Variants in WDR47 observed in about 807,000 individuals in gnomAD.
WDR47 encodes WD repeat domain 47.
In WDR47, 32 loss-of-function variants were observed where a neutral mutation model predicts 97.2. That is an observed-to-expected ratio of 0.33 (90% CI 0.25 to 0.44). The LOEUF (loss-of-function observed/expected upper bound fraction) is 0.44, where lower values mean the gene tolerates loss of function less well. Among genes scored for constraint, WDR47 ranks in the 20% least tolerant of loss-of-function variants. The probability of loss-of-function intolerance (pLI) is 1.00; values close to 1 mark genes in which losing one functional copy is unlikely to be tolerated. For missense variants in WDR47, 782 were observed against 1,102.3 expected (o/e 0.71, Z 4.11); for synonymous variants, 375 against 373.5 (o/e 1.00, Z -0.05).
At chr1:108,984,462 TC>T (rs1658606153) in intron 10 of WDR47, among the ~76,000 whole-genome samples, 1 of 152,182 alleles carries the variant, frequency 6.6e-6, no homozygotes, top group African/African-American at 2.4e-5. Context: ...GTGACAAAAA[TC>T]TTGACAACTA....
At chr1:108,975,538 T>C (rs752060885) in intron 13 of WDR47, among the ~76,000 whole-genome samples, 1 of 151,650 alleles carries the variant, frequency 6.6e-6, no homozygotes, top group Non-Finnish European at 1.5e-5. Context: ...GGAGAATCGC[T>C]TCAACCTGGG....
chr1:109,027,123 C>T (rs1042563740), intron 1 of WDR47, among the ~76,000 whole-genome samples: 1 of 151,948 alleles, frequency 6.6e-6, no homozygotes, highest in Admixed American at 6.6e-5. Flanking sequence ...GTGGCAATCT[C>T]GGCTGGCTGC....
At chr1:108,974,489 C>T (rs1171107386) in intron 14 of WDR47, 47 bp downstream of exon 14, 2 of 1,525,674 alleles carry the variant, frequency 1.3e-6, no homozygotes, top group South Asian at 2.4e-5. Context: ...ATAAAGGTCC[C>T]AAATAGAACA....
At chr1:109,019,445 G>A (rs1433747451) in intron 2 of WDR47, among the ~76,000 whole-genome samples, 1 of 151,578 alleles carries the variant, frequency 6.6e-6, no homozygotes, top group East Asian at 1.9e-4. Flanking sequence ...CATGTTAGGA[G>A]GCTGAGGCAC....
intron 6 of WDR47, among the ~76,000 whole-genome samples, chr1:109,003,687 T>C (rs1420706113): frequency 6.6e-6 from 1 of 152,078 alleles, no homozygotes; most frequent in African/African-American, 2.4e-5. Flanking sequence ...GTATTTTTAG[T>C]AGAGATGGGG....
chr1:108,971,263 G>C lies in WDR47; in HGVS notation c.*167C>G. 1.1e-6 allele frequency: 1 copy of C among 896,008 alleles called. No individual in the cohort carries two copies. The highest frequency in any genetic ancestry group is 2.6e-5 in the East Asian group (1 of 37,866). 55.5% of individuals were successfully genotyped at this position (896,008 alleles called of 1,614,324 possible). A position where few individuals can be genotyped will look rare whatever the true frequency, so the allele number is the denominator to read the frequency against. On this transcript the variant is annotated 3_prime_UTR_variant, in exon 15 of 15. Coordinates refer to ENST00000369962, the MANE Select transcript of WDR47 (RefSeq NM_001142551.2). ...TCACATGGAAGACTGAAAGCACTGCGGAATAACACCACCCAACACCTCCTA... is the reference window on the plus strand; with the variant it reads ...TCACATGGAAGACTGAAAGCACTGCCGAATAACACCACCCAACACCTCCTA...
chr1:109,007,221 C>CAA lies in WDR47; in HGVS notation c.1131-2508_1131-2507dup, dbSNP rs542534921. The stretch of plus-strand genomic sequence containing the variant: ...CTGAAATACATTTTAAATGTATACT[C>CAA]AAAAAAAAAAAAAAAAAAGATACTG... On this transcript the variant is annotated intron_variant, in intron 5 of 14. Coordinates refer to ENST00000369962, the MANE Select transcript of WDR47 (RefSeq NM_001142551.2). Among the ~76,000 whole-genome samples, 71 of 92,056 alleles carry CAA rather than the reference C, an allele frequency of 7.7e-4. No individual in the cohort carries two copies. In the Middle Eastern group the frequency reaches 0.019, roughly 25 times the overall value. The allele number at this position is 92,056 out of a possible 152,430, so 60.4% of individuals were successfully genotyped here. A position where few individuals can be genotyped will look rare whatever the true frequency, so the allele number is the denominator to read the frequency against.
intron 2 of WDR47, among the ~76,000 whole-genome samples, chr1:109,022,930 T>C (rs1661953941): frequency 6.7e-6 from 1 of 148,970 alleles, no homozygotes; most frequent in African/African-American, 2.5e-5. Flanking sequence ...TTAGGTCGGG[T>C]GCGGTGGCTC....
Position 108,970,589 on chromosome 1 carries a change from G to T in WDR47, c.*841C>A, listed in dbSNP as rs1657377981. 6.6e-6 allele frequency: 1 copy of T among 152,588 alleles called. No individual in the cohort carries two copies. Among genetic ancestry groups the T allele is most frequent in the Admixed American group, 6.5e-5 (1 of 15,270 alleles). The allele number at this position is 152,588 out of a possible 1,614,324, so 9.5% of individuals were successfully genotyped here. A position where few individuals can be genotyped will look rare whatever the true frequency, so the allele number is the denominator to read the frequency against. On this transcript the variant is annotated 3_prime_UTR_variant, in exon 15 of 15. Transcript: ENST00000369962. ...CATTTCAAGCCATGCTATGGTCTAT[G>T]TCAAGGATTTTAATTTTTAAGGAGA...
intron 1 of WDR47, among the ~76,000 whole-genome samples, chr1:109,039,384 A>G (rs1229667537): frequency 2.0e-5 from 3 of 152,048 alleles, no homozygotes; most frequent in Non-Finnish European, 4.4e-5. Flanking sequence ...CAGCCTCCCA[A>G]ATAGCTGGGA....
chr1:108,992,230 A>G, intron 8 of WDR47: 1 of 824,600 alleles, frequency 1.2e-6, no homozygotes, highest in Non-Finnish European at 2.2e-6. Flanking sequence ...GAAAATTAAA[A>G]TATGATGGTA....
intron 13 of WDR47, 144 bp from the exon 14 acceptor site, chr1:108,974,898 A>C: frequency 1.4e-6 from 1 of 717,520 alleles, no homozygotes. Flanking sequence ...CCAAATTAAC[A>C]GTTAACCAAT....
intron 1 of WDR47, among the ~76,000 whole-genome samples, chr1:109,040,262 C>A (rs1663263602): frequency 6.6e-6 from 1 of 152,114 alleles, no homozygotes; most frequent in Non-Finnish European, 1.5e-5. Context: ...AGGAAAACTG[C>A]ACATCTTTTC....
chr1:109,000,068 G>C (rs1376066958), intron 7 of WDR47, among the ~76,000 whole-genome samples: 1 of 152,062 alleles, frequency 6.6e-6, no homozygotes, highest in South Asian at 2.1e-4. Context: ...TGTGTGAGCC[G>C]GCTACGATGA....
chr1:108,995,633 A>T lies in WDR47; in HGVS notation c.1638T>A (p.Pro546=), dbSNP rs1659687008. The T allele has an allele frequency of 6.2e-7, 1 of 1,613,998 alleles. No homozygotes were observed. The highest frequency in any genetic ancestry group is 8.5e-7 in the Non-Finnish European group (1 of 1,179,996). The change falls in exon 8 of 15, where the codon CCT becomes CCA. Residue 546 remains proline (P), a synonymous_variant. Transcript: ENST00000369962. The part of the protein sequence containing the change: ...SNIHTSTPRN[P]GSTNHIPFLE... ...GAAAAGGTATGTGATTTGTTGATCC[A>T]GGATTACGAGGAGTGCTTGTATGAA...
chr1:109,028,416 C>A (rs1421648453), intron 1 of WDR47, among the ~76,000 whole-genome samples: 1 of 130,552 alleles, frequency 7.7e-6, no homozygotes, highest in African/African-American at 2.9e-5. Flanking sequence ...GTTGCCCAGG[C>A]TTAGTCTGAC....
At chr1:109,002,117 G>A (rs371595193) in intron 7 of WDR47, 107 bp downstream of exon 7, 65 of 1,281,800 alleles carry the variant, frequency 5.1e-5, no homozygotes, top group East Asian at 1.9e-4. Context: ...CTTCAAATGC[G>A]TAAAAAGCCT....
intron 1 of WDR47, among the ~76,000 whole-genome samples, chr1:109,039,703 A>C (rs1057198850): frequency 6.6e-6 from 1 of 151,642 alleles, no homozygotes; most frequent in African/African-American, 2.4e-5. Flanking sequence ...CCAGCATTGG[A>C]TTTGGAGTCT....
chr1:108,999,016 A>G (rs569722352), intron 7 of WDR47, among the ~76,000 whole-genome samples: 1 of 152,246 alleles, frequency 6.6e-6, no homozygotes, highest in East Asian at 1.9e-4. Context: ...ACCTGAGGTC[A>G]GGAGTTCGAG....
Sources: allele counts gnomAD v4.1 joint callset (sites outside exome capture counted in the v4.1 genomes callset), GRCh38; gene constraint gnomAD v4.1.1; transcripts MANE v1.5; gene names NCBI Gene and HGNC (gene_info 2026-07-23, HGNC 2026-07-21).